SYNE2: variants seen among roughly 807,000 people sequenced by gnomAD.
The protein encoded by SYNE2 is nesprin-2.
Under a neutral mutation model 856.3 loss-of-function variants are expected in SYNE2, and 431 were observed. The observed-to-expected ratio is 0.50, with a 90% CI of 0.47 to 0.55. The LOEUF is 0.55. Ranked by LOEUF, SYNE2 falls within the 20% of genes least tolerant of loss-of-function variation. The probability of loss-of-function intolerance (pLI) is 0.00; values close to 1 mark genes in which losing one functional copy is unlikely to be tolerated. For missense variants in SYNE2, 8,129 were observed against 8,023.2 expected (o/e 1.01, Z -0.50); for synonymous variants, 2,923 against 2,872.3 (o/e 1.02, Z -0.56).
intron 1 of SYNE2, among the ~76,000 whole-genome samples, chr14:63,890,006 G>A (rs557391435): frequency 6.6e-6 from 1 of 151,784 alleles, no homozygotes; most frequent in South Asian, 2.1e-4. Context: ...TCCAGGTATG[G>A]GGCAGGGCCC....
intron 108 of SYNE2, chr14:64,218,139 C>T (rs1214774622): frequency 6.8e-6 from 3 of 440,440 alleles, no homozygotes; most frequent in Non-Finnish European, 1.3e-5. Context: ...CCAATTGAAA[C>T]AGACCCTTTT....
chr14:64,036,347 C>T lies in SYNE2; in HGVS notation c.7221+4990C>T, dbSNP rs530152702. Among the ~76,000 whole-genome samples the T allele has an allele frequency of 1.1e-3, 163 of 152,226 alleles. 1 individual carries two copies. In the Middle Eastern group the frequency reaches 0.021, roughly 19 times the overall value. ...TGTCACCCAGGCTGGAGTGCAGTGG[C>T]GCGATCTTGGCTCACTGCAACCTCT... On this transcript the variant is annotated intron_variant, in intron 45 of 115. Coordinates refer to ENST00000555002, the MANE Select transcript of SYNE2 (RefSeq NM_182914.3).
At chr14:64,214,017 T>C (rs2098654549) in intron 105 of SYNE2, 177 bp from the exon 106 acceptor site, 6 of 887,256 alleles carry the variant, frequency 6.8e-6, no homozygotes, top group Non-Finnish European at 1.0e-5. Context: ...CCACTCCAGA[T>C]TGTCTAAACT....
At chr14:63,997,867 A>G (rs1486361092) in intron 25 of SYNE2, among the ~76,000 whole-genome samples, 4 of 152,212 alleles carry the variant, frequency 2.6e-5, no homozygotes, top group African/African-American at 4.8e-5. Context: ...CAGACTGTCA[A>G]TCAGATCATG....
chr14:64,081,042 TG>T (rs2097518643), intron 56 of SYNE2, among the ~76,000 whole-genome samples: 1 of 152,178 alleles, frequency 6.6e-6, no homozygotes, highest in Non-Finnish European at 1.5e-5. Context: ...GAGCTGTGGT[TG>T]GCTGAGTTGT....
intron 45 of SYNE2, among the ~76,000 whole-genome samples, chr14:64,047,779 T>C (rs1412825257): frequency 6.6e-6 from 1 of 152,192 alleles, no homozygotes; most frequent in East Asian, 1.9e-4. Flanking sequence ...AATTGACCAA[T>C]GCTATATCCT....
intron 43 of SYNE2, among the ~76,000 whole-genome samples, chr14:64,029,510 A>T (rs1567097680): frequency 6.6e-6 from 1 of 152,170 alleles, no homozygotes; most frequent in Non-Finnish European, 1.5e-5. Context: ...CTCATTTCCA[A>T]GTGTGGAAAT....
intron 11 of SYNE2, among the ~76,000 whole-genome samples, chr14:63,969,968 A>G (rs1392326085): frequency 6.6e-6 from 1 of 152,158 alleles, no homozygotes; most frequent in Non-Finnish European, 1.5e-5. Context: ...GACTTCTACC[A>G]TTATGAAATA....
intron 107 of SYNE2, 156 bp downstream of exon 107, chr14:64,215,510 C>T (rs2098662150): frequency 1.3e-6 from 1 of 790,908 alleles, no homozygotes; most frequent in African/African-American, 1.7e-5. Flanking sequence ...CGTACTCACC[C>T]ATAACTGCGT....
chr14:64,218,745 TGAGG>T (rs2098678550), intron 109 of SYNE2, among the ~76,000 whole-genome samples: 1 of 152,224 alleles, frequency 6.6e-6, no homozygotes, highest in Non-Finnish European at 1.5e-5. Context: ...ATAAGCCTCC[TGAGG>T]AAGTGCAGGT....
At chr14:64,164,874 T>TG (rs35525746) in intron 89 of SYNE2, among the ~76,000 whole-genome samples, 30,613 of 150,908 alleles carry the variant, frequency 0.2, 3,253 homozygotes, top group Middle Eastern at 0.3. Context: ...TTTTGTTTTT[T>TG]TTTGTTTGTT....
At chr14:64,203,087 C>A in intron 100 of SYNE2, 124 bp downstream of exon 100, 1 of 1,262,566 alleles carries the variant, frequency 7.9e-7, no homozygotes, top group Non-Finnish European at 1.1e-6. Context: ...TTTGCTTTTT[C>A]CAGAGAAAAC....
At chr14:63,875,993 G>A (rs1281670297) in intron 1 of SYNE2, among the ~76,000 whole-genome samples, 1 of 152,012 alleles carries the variant, frequency 6.6e-6, no homozygotes, top group Non-Finnish European at 1.5e-5. Context: ...TGATTGACTT[G>A]GCTGTACTCT....
intron 1 of SYNE2, among the ~76,000 whole-genome samples, chr14:63,803,165 C>T (rs1355251504): frequency 6.6e-6 from 1 of 152,226 alleles, no homozygotes; most frequent in Non-Finnish European, 1.5e-5. Context: ...TAAGGTTCTC[C>T]ACCTCCCCAC....
intron 1 of SYNE2, among the ~76,000 whole-genome samples, chr14:63,822,839 C>T (rs1194671037): frequency 6.6e-6 from 1 of 152,182 alleles, no homozygotes; most frequent in Non-Finnish European, 1.5e-5. Flanking sequence ...TACAGTGGCT[C>T]ATACCTGTAA....
chr14:63,901,789 T>G (rs912033295), intron 1 of SYNE2, among the ~76,000 whole-genome samples: 1 of 152,168 alleles, frequency 6.6e-6, no homozygotes, highest in African/African-American at 2.4e-5. Flanking sequence ...CCAAGCGTGG[T>G]GGCGTGTGCC....
chr14:64,009,404 C>CA (rs2096825733), intron 31 of SYNE2, among the ~76,000 whole-genome samples: 1 of 151,846 alleles, frequency 6.6e-6, no homozygotes, highest in African/African-American at 2.4e-5. Flanking sequence ...GGCATGGTGG[C>CA]ACTTGCCTGT....
chr14:64,031,078 A>G lies in SYNE2; in HGVS notation c.6942A>G (p.Lys2314=). 6.2e-7 allele frequency: 1 copy of G among 1,614,094 alleles called. No individual in the cohort carries two copies. Among genetic ancestry groups the G allele is most frequent in the South Asian group, 1.1e-5 (1 of 91,034 alleles). Residue 2314 remains lysine (K), a synonymous_variant, in exon 45 of 116, where the codon AAA becomes AAG. Coordinates refer to ENST00000555002, the MANE Select transcript of SYNE2 (RefSeq NM_182914.3). ...TAAAGAAGATTTTAGCTTTAGCAAA[A>G]TCCGTCAAGCAAAATACATCTTCAG... is the stretch of plus-strand genomic sequence containing the variant. The part of the protein sequence containing the change: ...GTLKKILALA[K]SVKQNTSSVG...
intron 1 of SYNE2, among the ~76,000 whole-genome samples, chr14:63,883,437 AGCCTTGATCACCAG>A (rs2094911676): frequency 6.6e-6 from 1 of 152,122 alleles, no homozygotes; most frequent in Non-Finnish European, 1.5e-5. Flanking sequence ...GGCTCACTGC[AGCCTTGATCACCAG>A]GCTCAGATGA....
Sources: gnomAD v4.1 joint callset for allele counts (sites outside exome capture counted in the v4.1 genomes callset) on GRCh38, gnomAD v4.1.1 for gene constraint, MANE v1.5 for transcripts, NCBI Gene and HGNC (gene_info 2026-07-23, HGNC 2026-07-21) for gene names.